EDIL3: variants seen among roughly 807,000 people sequenced by gnomAD.
EDIL3 encodes EGF like and discoidin domains 3, also known as EGF-like repeat and discoidin I-like domain-containing protein 3.
Under a neutral mutation model 67.4 loss-of-function variants are expected in EDIL3, and 37 were observed. The observed-to-expected ratio is 0.55, with a 90% CI of 0.42 to 0.72. The LOEUF (loss-of-function observed/expected upper bound fraction) is 0.72, where lower values mean the gene tolerates loss of function less well. Among genes scored for constraint, EDIL3 ranks in the 30% least tolerant of loss-of-function variants. The probability of loss-of-function intolerance (pLI) is 0.00; values close to 1 mark genes in which losing one functional copy is unlikely to be tolerated. For synonymous variants in EDIL3, 195 were observed against 196.3 expected (o/e 0.99, Z 0.05); for missense variants, 527 against 586.3 (o/e 0.90, Z 1.04).
chr5:84,262,757 C>T (rs939166486), intron 1 of EDIL3, among the ~76,000 whole-genome samples: 28 of 143,902 alleles, frequency 1.9e-4, no homozygotes, highest in African/African-American at 6.7e-4. Flanking sequence ...CTGCAACCTC[C>T]GCCTCCCAGG....
intron 6 of EDIL3, among the ~76,000 whole-genome samples, chr5:84,079,421 G>A (rs904922448): frequency 1.3e-5 from 2 of 152,032 alleles, no homozygotes; most frequent in Non-Finnish European, 1.5e-5. Context: ...TGCAGTAACT[G>A]GGGTTAGTGT....
intron 9 of EDIL3, among the ~76,000 whole-genome samples, chr5:83,997,184 G>C (rs1228165423): frequency 6.6e-6 from 1 of 152,142 alleles, no homozygotes; most frequent in African/African-American, 2.4e-5. Flanking sequence ...ATCAGATAAT[G>C]CTATATTAAG....
chr5:84,207,689 C>G, intron 3 of EDIL3, among the ~76,000 whole-genome samples: 1 of 151,732 alleles, frequency 6.6e-6, no homozygotes, highest in Non-Finnish European at 1.5e-5. Context: ...GTACTGGTAC[C>G]AAAACAGAGA....
intron 9 of EDIL3, among the ~76,000 whole-genome samples, chr5:84,005,584 A>G (rs1156557143): frequency 6.6e-6 from 1 of 152,138 alleles, no homozygotes; most frequent in Non-Finnish European, 1.5e-5. Context: ...CCACATGATC[A>G]CCTCAATAGA....
chr5:84,262,061 T>A (rs537220202), intron 1 of EDIL3, among the ~76,000 whole-genome samples: 1 of 152,228 alleles, frequency 6.6e-6, no homozygotes, highest in African/African-American at 2.4e-5. Flanking sequence ...TCTTTTTGCA[T>A]ATGTTTTAGT....
intron 10 of EDIL3, among the ~76,000 whole-genome samples, chr5:83,944,934 A>G (rs1366632140): frequency 6.6e-6 from 1 of 151,932 alleles, no homozygotes; most frequent in Non-Finnish European, 1.5e-5. Context: ...CTTAACCCAC[A>G]TCTTTCAGCA....
intron 6 of EDIL3, among the ~76,000 whole-genome samples, chr5:84,099,898 T>A (rs1430195494): frequency 6.6e-6 from 1 of 150,706 alleles, no homozygotes; most frequent in African/African-American, 2.4e-5. Context: ...AAAAAACCCA[T>A]CAAAAAGTGG....
chr5:84,131,407 T>C (rs1728841794), intron 5 of EDIL3, among the ~76,000 whole-genome samples: 1 of 152,192 alleles, frequency 6.6e-6, no homozygotes, highest in Non-Finnish European at 1.5e-5. Context: ...CTGTTGTCAC[T>C]TGCCAAGGCC....
chr5:84,047,664 G>A (rs1007416134), intron 9 of EDIL3: 1 of 152,042 alleles, frequency 6.6e-6, no homozygotes, highest in Admixed American at 6.5e-5. Context: ...ATTTTAAAAG[G>A]AGAAGATAGG....
chr5:84,154,938 A>G (rs892921132), intron 4 of EDIL3, among the ~76,000 whole-genome samples: 3 of 152,036 alleles, frequency 2.0e-5, no homozygotes. Context: ...GACTTCAGGC[A>G]ATCCTCCTGC....
intron 6 of EDIL3, among the ~76,000 whole-genome samples, chr5:84,093,819 C>A (rs1425898183): frequency 2.6e-5 from 4 of 151,982 alleles, no homozygotes; most frequent in Non-Finnish European, 5.9e-5. Context: ...GCCACCACAA[C>A]CGGCTAATTT....
At chr5:84,297,856 C>T (rs1464694887) in intron 1 of EDIL3, among the ~76,000 whole-genome samples, 1 of 152,096 alleles carries the variant, frequency 6.6e-6, no homozygotes, top group Non-Finnish European at 1.5e-5. Context: ...AAGGAGCCAG[C>T]AAGTCTAGAC....
At chr5:84,336,157 T>A (rs1746981025) in intron 1 of EDIL3, among the ~76,000 whole-genome samples, 1 of 152,196 alleles carries the variant, frequency 6.6e-6, no homozygotes, top group Admixed American at 6.5e-5. Flanking sequence ...TGGCTCTTGA[T>A]ATACAATGAA....
chr5:84,037,888 T>C (rs2112210059), intron 9 of EDIL3, among the ~76,000 whole-genome samples: 2 of 152,250 alleles, frequency 1.3e-5, no homozygotes, highest in Admixed American at 1.3e-4. Context: ...TGTTGATTTG[T>C]ATGATCTGAC....
intron 9 of EDIL3, among the ~76,000 whole-genome samples, chr5:83,981,882 T>A (rs767045515): frequency 6.6e-6 from 1 of 152,142 alleles, no homozygotes; most frequent in Non-Finnish European, 1.5e-5. Context: ...CATTTTGTAT[T>A]ACTTGTTTTC....
At chr5:84,358,381 G>A (rs993986325) in intron 1 of EDIL3, among the ~76,000 whole-genome samples, 1 of 152,088 alleles carries the variant, frequency 6.6e-6, no homozygotes, top group African/African-American at 2.4e-5. Flanking sequence ...CTGAAAGCAA[G>A]AAATTCCTTT....
At chr5:84,188,710 G>A (rs369566759) in intron 3 of EDIL3, among the ~76,000 whole-genome samples, 66 of 152,098 alleles carry the variant, frequency 4.3e-4, no homozygotes, top group African/African-American at 1.5e-3. Flanking sequence ...GTCCTTATAG[G>A]AATAGGGCAT....
intron 1 of EDIL3, among the ~76,000 whole-genome samples, chr5:84,276,448 G>C (rs1745584057): frequency 6.6e-6 from 1 of 152,116 alleles, no homozygotes; most frequent in Non-Finnish European, 1.5e-5. Flanking sequence ...TAACTATTCT[G>C]TAATTGCTTT....
At chr5:84,198,495 A>C (rs1012363281) in intron 3 of EDIL3, among the ~76,000 whole-genome samples, 1 of 152,098 alleles carries the variant, frequency 6.6e-6, no homozygotes, top group Non-Finnish European at 1.5e-5. Context: ...ACAAGCTTAA[A>C]AAGTCTTAAG....
Sources: gnomAD v4.1 joint callset for allele counts (sites outside exome capture counted in the v4.1 genomes callset) on GRCh38, gnomAD v4.1.1 for gene constraint, MANE v1.5 for transcripts, NCBI Gene and HGNC (gene_info 2026-07-23, HGNC 2026-07-21) for gene names.